CLVS1: variants seen among roughly 807,000 people sequenced by gnomAD.
The protein encoded by CLVS1 is clavesin 1.
In CLVS1, 10 loss-of-function variants were observed where a neutral mutation model predicts 33.1. The ratio of observed to expected loss-of-function variants is 0.30; its 90% CI spans 0.19 to 0.51. The LOEUF (loss-of-function observed/expected upper bound fraction) is 0.51, where lower values mean the gene tolerates loss of function less well. CLVS1 is among the 20% of genes least tolerant of loss of function. CLVS1 has a pLI of 0.97. For synonymous variants in CLVS1, 163 were observed against 166.1 expected (o/e 0.98, Z 0.14); for missense variants, 343 against 433.4 (o/e 0.79, Z 1.85).
rs201671807 is a variant in CLVS1, at chr8:61,068,229, GTA to G, written c.-243+11017_-243+11018del. Among the ~76,000 whole-genome samples, 234 of 100,886 alleles carry G rather than the reference GTA, an allele frequency of 2.3e-3. 1 individual carries two copies. Among genetic ancestry groups the G allele is most frequent in the Admixed American group, 3.3e-3 (33 of 9,960 alleles). 66.2% of individuals were successfully genotyped at this position (100,886 alleles called of 152,430 possible). On this transcript the variant is annotated intron_variant, in intron 1 of 2. Transcript: ENST00000522621. ...TATATATATATATATGTATGTATGT[GTA>G]TATATATATATATATATGTATATAT...
intron 3 of CLVS1, among the ~76,000 whole-genome samples, chr8:61,440,449 G>A (rs1200961754): frequency 6.6e-6 from 1 of 152,186 alleles, no homozygotes; most frequent in Non-Finnish European, 1.5e-5. Context: ...ACAGACTAAA[G>A]ATATTTGTGT....
intron 2 of CLVS1, among the ~76,000 whole-genome samples, chr8:61,338,637 A>G (rs1002838319): frequency 2.0e-5 from 3 of 152,174 alleles, no homozygotes; most frequent in Non-Finnish European, 4.4e-5. Context: ...TCCAAAAATC[A>G]TGCTCCTCCA....
intron 1 of CLVS1, among the ~76,000 whole-genome samples, chr8:61,104,995 A>C (rs190456391): frequency 6.1e-4 from 93 of 151,732 alleles, no homozygotes; most frequent in African/African-American, 2.2e-3. Context: ...CACCCAGCTA[A>C]TTTTTTATAT....
chr8:61,443,654 A>C (rs961978471), intron 3 of CLVS1, among the ~76,000 whole-genome samples: 1 of 152,146 alleles, frequency 6.6e-6, no homozygotes, highest in African/African-American at 2.4e-5. Flanking sequence ...CTACATGATA[A>C]ACCTTGAAAT....
chr8:61,437,803 T>G (rs1467223859), intron 3 of CLVS1, among the ~76,000 whole-genome samples: 8 of 152,234 alleles, frequency 5.3e-5, no homozygotes, highest in Non-Finnish European at 1.0e-4. Flanking sequence ...ATGAAATATT[T>G]ATTGCTTTGT....
Position 61,429,581 on chromosome 8 carries a change from C to T in CLVS1, c.631-24560C>T, listed in dbSNP as rs553424886. On this transcript the variant is annotated intron_variant, in intron 3 of 5. Transcript: ENST00000325897. ...ATCACCTCTTAAAGTTCCCACCTCT[C>T]AATGTCGTTGTATTGGGGATTAAGT... Among the ~76,000 whole-genome samples, 7 of 152,268 alleles carry T rather than the reference C, an allele frequency of 4.6e-5. No homozygotes were observed. In the South Asian group the frequency reaches 1.5e-3, roughly 32 times the overall value.
intron 2 of CLVS1, among the ~76,000 whole-genome samples, chr8:61,356,726 G>C (rs1812723260): frequency 6.6e-6 from 1 of 152,160 alleles, no homozygotes; most frequent in Admixed American, 6.5e-5. Flanking sequence ...GATAGTTGTA[G>C]ATGTGCGGCA....
Position 61,354,935 on chromosome 8 carries a change from A to C in CLVS1, c.456-21670A>C, listed in dbSNP as rs559609208. 3.7e-4 allele frequency among the ~76,000 whole-genome samples: 56 copies of C among 152,284 alleles called. 2 individuals are homozygous for C. The highest frequency in any genetic ancestry group is 2.1e-3 in the Admixed American group (32 of 15,294). ...TGTACGTCAGATAAAATTGTATAGA[A>C]CTAAATAAACATATACACATGCACA... On this transcript the variant is annotated intron_variant, in intron 2 of 5. Transcript: ENST00000325897.
chr8:61,322,631 T>C (rs1811237160), intron 2 of CLVS1, among the ~76,000 whole-genome samples: 1 of 152,166 alleles, frequency 6.6e-6, no homozygotes, highest in Non-Finnish European at 1.5e-5. Flanking sequence ...AAGTTTGTTG[T>C]TAACTGAAAT....
At chr8:61,334,051 G>A (rs1229262846) in intron 2 of CLVS1, among the ~76,000 whole-genome samples, 1 of 152,170 alleles carries the variant, frequency 6.6e-6, no homozygotes, top group African/African-American at 2.4e-5. Context: ...TTATGTCTGT[G>A]TAGTATTCCA....
intron 1 of CLVS1, among the ~76,000 whole-genome samples, chr8:61,058,753 C>T (rs1425682624): frequency 6.6e-6 from 1 of 152,074 alleles, no homozygotes; most frequent in Non-Finnish European, 1.5e-5. Flanking sequence ...GTTATAATAG[C>T]TGCATTTTCT....
chr8:61,171,032 T>C (rs763259040), intron 2 of CLVS1, among the ~76,000 whole-genome samples: 6 of 152,212 alleles, frequency 3.9e-5, no homozygotes, highest in Non-Finnish European at 8.8e-5. Context: ...AGGTTTTTTT[T>C]TCTTTTTCTT....
At chr8:61,193,067 A>T (rs1212830287) in intron 2 of CLVS1, among the ~76,000 whole-genome samples, 1 of 152,168 alleles carries the variant, frequency 6.6e-6, no homozygotes, top group African/African-American at 2.4e-5. Flanking sequence ...AGACACATTC[A>T]CACGTATGTT....
At chr8:61,235,227 C>T (rs1442442158) in intron 2 of CLVS1, among the ~76,000 whole-genome samples, 2 of 152,160 alleles carry the variant, frequency 1.3e-5, no homozygotes, top group Non-Finnish European at 2.9e-5. Context: ...ACAAAACTGT[C>T]CTAGCTGCCT....
chr8:61,115,936 T>C (rs1233099379), intron 1 of CLVS1, among the ~76,000 whole-genome samples: 4 of 146,046 alleles, frequency 2.7e-5, no homozygotes, highest in Admixed American at 1.4e-4. Context: ...TCTAGATCCC[T>C]GAGGAATCGC....
At chr8:61,022,863 C>T in the CLVS1 span, among the ~76,000 whole-genome samples, 1 of 152,236 alleles carries the variant, frequency 6.6e-6, no homozygotes, top group Non-Finnish European at 1.5e-5. Flanking sequence ...GTGTGTGCAC[C>T]TCCCTCTGTT....
intron 2 of CLVS1, among the ~76,000 whole-genome samples, chr8:61,216,293 T>C (rs16927013): frequency 0.066 from 10,094 of 152,234 alleles, 445 homozygotes; most frequent in East Asian, 0.15. Context: ...GAGACTAGAA[T>C]CCTTAAGAAT....
At chr8:61,233,666 C>G (rs936849282) in intron 2 of CLVS1, among the ~76,000 whole-genome samples, 4 of 152,222 alleles carry the variant, frequency 2.6e-5, no homozygotes, top group Non-Finnish European at 4.4e-5. Flanking sequence ...TGGGCTGGTG[C>G]CCCCTGGCCT....
intron 1 of CLVS1, among the ~76,000 whole-genome samples, chr8:61,289,218 T>C (rs1244602550): frequency 6.6e-6 from 1 of 152,216 alleles, no homozygotes; most frequent in Non-Finnish European, 1.5e-5. Flanking sequence ...TTTCCTATAA[T>C]AGTAAAGGGT....
Sources: allele counts gnomAD v4.1 joint callset (sites outside exome capture counted in the v4.1 genomes callset), GRCh38; gene constraint gnomAD v4.1.1; transcripts MANE v1.5; gene names NCBI Gene and HGNC (gene_info 2026-07-23, HGNC 2026-07-21).